The following ARHGEF10L variants were observed in gnomAD, a reference collection of about 807,000 sequenced individuals.
The protein encoded by ARHGEF10L is rho guanine nucleotide exchange factor 10-like protein.
A neutral mutation model predicts 141.2 loss-of-function variants in ARHGEF10L; 69 were observed. The ratio of observed to expected loss-of-function variants is 0.49; its 90% CI spans 0.40 to 0.60. The LOEUF (loss-of-function observed/expected upper bound fraction) is 0.60. Ranked by LOEUF, ARHGEF10L falls within the 20% of genes least tolerant of loss-of-function variation. ARHGEF10L has a pLI of 0.00. For synonymous variants in ARHGEF10L, 711 were observed against 718.5 expected (o/e 0.99, Z 0.17); for missense variants, 1,482 against 1,734.3 (o/e 0.85, Z 2.58).
intron 26 of ARHGEF10L, among the ~76,000 whole-genome samples, chr1:17,682,807 G>A (rs1055978231): frequency 1.3e-5 from 2 of 152,150 alleles, no homozygotes; most frequent in African/African-American, 4.8e-5. Flanking sequence ...GACAGCCCCT[G>A]ACCCCACCAA....
At chr1:17,652,750 C>T (rs1482877531) in intron 22 of ARHGEF10L, among the ~76,000 whole-genome samples, 2 of 152,136 alleles carry the variant, frequency 1.3e-5, no homozygotes, top group Non-Finnish European at 2.9e-5. Flanking sequence ...AGTCTCAGAG[C>T]CCACCTGGGG....
At chr1:17,676,411 C>T (rs934634878) in intron 26 of ARHGEF10L, among the ~76,000 whole-genome samples, 6 of 147,574 alleles carry the variant, frequency 4.1e-5, no homozygotes, top group Admixed American at 1.3e-4. Flanking sequence ...GGTGTATGTT[C>T]ATGTGTAGGT....
intron 26 of ARHGEF10L, among the ~76,000 whole-genome samples, chr1:17,677,439 C>G (rs865857489): frequency 5.9e-5 from 9 of 152,252 alleles, no homozygotes; most frequent in African/African-American, 1.9e-4. Context: ...AACTCTGTAT[C>G]GGTGTCTCCT....
At chr1:17,679,198 A>C (rs2063919671) in intron 26 of ARHGEF10L, among the ~76,000 whole-genome samples, 1 of 152,194 alleles carries the variant, frequency 6.6e-6, no homozygotes, top group Non-Finnish European at 1.5e-5. Context: ...AGAGTCCCAG[A>C]GACCTTAACC....
chr1:17,678,742 T>C (rs1317483379), intron 26 of ARHGEF10L, among the ~76,000 whole-genome samples: 2 of 152,302 alleles, frequency 1.3e-5, no homozygotes, highest in African/African-American at 4.8e-5. Context: ...GTTTTGTTTT[T>C]AAAGGCAAAA....
chr1:17,662,281 G>A (rs531738933), intron 25 of ARHGEF10L, among the ~76,000 whole-genome samples: 167 of 152,290 alleles, frequency 1.1e-3, no homozygotes, highest in Non-Finnish European at 1.9e-3. Flanking sequence ...CGTAACAACC[G>A]CTGTCAAGAC....
upstream of ARHGEF10L, among the ~76,000 whole-genome samples, chr1:17,539,301 G>A (rs1383918446): frequency 6.6e-6 from 1 of 152,226 alleles, no homozygotes; most frequent in African/African-American, 2.4e-5. The surrounding 1 kb of genome is among the most constrained non-coding windows in gnomAD (Gnocchi z 6.0). Context: ...GCCGGTCCAG[G>A]ATTCTCACCC....
chr1:17,534,830 C>G (rs987744115), upstream of ARHGEF10L, among the ~76,000 whole-genome samples: 10 of 152,052 alleles, frequency 6.6e-5, no homozygotes, highest in African/African-American at 2.4e-4. Context: ...CTCAGATGAT[C>G]CATCTGCCTT....
intron 1 of ARHGEF10L, among the ~76,000 whole-genome samples, chr1:17,553,100 G>T (rs2077176581): frequency 6.6e-6 from 1 of 152,208 alleles, no homozygotes; most frequent in Admixed American, 6.5e-5. Context: ...AAGTGGGGCA[G>T]ACCCGGGACC....
intron 10 of ARHGEF10L, among the ~76,000 whole-genome samples, chr1:17,620,714 G>A (rs1197305080): frequency 6.6e-6 from 1 of 152,140 alleles, no homozygotes; most frequent in African/African-American, 2.4e-5. Flanking sequence ...GGACGCTCAG[G>A]ACAGCTGTGG....
chr1:17,656,818 T>C lies in ARHGEF10L; in HGVS notation c.2860+110T>C. ...GGCTGGGCAGGAATGAATTGGGAAA[T>C]CTCAGTGCTGAGGGCATTTGGAGAT... is the stretch of plus-strand genomic sequence containing the variant. On this transcript the variant is annotated intron_variant, in intron 25 of 28. Coordinates refer to ENST00000361221, the MANE Select transcript of ARHGEF10L (RefSeq NM_018125.4). This position sits in a 1 kb window ranked among gnomAD's most constrained non-coding sequence, Gnocchi z 4.9. 2 of 1,372,168 alleles carry C rather than the reference T, an allele frequency of 1.5e-6. No individual in the cohort carries two copies. The highest frequency in any genetic ancestry group is 1.5e-5 in the South Asian group (1 of 67,828). The allele number at this position is 1,372,168 out of a possible 1,614,324, so 85.0% of individuals were successfully genotyped here.
intron 7 of ARHGEF10L, among the ~76,000 whole-genome samples, chr1:17,608,866 C>G (rs896426745): frequency 2.6e-5 from 4 of 152,078 alleles, no homozygotes; most frequent in Admixed American, 2.6e-4. Flanking sequence ...CTCACTGTAC[C>G]CTCTGTTTCC....
chr1:17,657,411 A>G (rs2062336458), intron 25 of ARHGEF10L, among the ~76,000 whole-genome samples: 1 of 152,202 alleles, frequency 6.6e-6, no homozygotes, highest in African/African-American at 2.4e-5. Flanking sequence ...TGTGGTCCCC[A>G]TCCTCTGGGC....
intron 25 of ARHGEF10L, among the ~76,000 whole-genome samples, chr1:17,663,980 A>G (rs7543007): frequency 0.21 from 31,873 of 152,092 alleles, 3,729 homozygotes; most frequent in African/African-American, 0.31. Context: ...CCTTGTGCAC[A>G]CCTGCTCATT....
chr1:17,595,155 A>G (rs929639871), intron 4 of ARHGEF10L, among the ~76,000 whole-genome samples: 1 of 149,506 alleles, frequency 6.7e-6, no homozygotes, highest in African/African-American at 2.5e-5. Context: ...CTAGGCATGT[A>G]TGCAAGTATG....
At position 17,697,523 on chromosome 1, in the gene ARHGEF10L, T is replaced by C. The variant is rs2065596710; in HGVS notation, c.*143T>C. 1.1e-5 allele frequency: 13 copies of C among 1,210,066 alleles called. No homozygotes were observed. The highest frequency in any genetic ancestry group is 1.0e-5 in the Non-Finnish European group (9 of 879,548). The allele number at this position is 1,210,066 out of a possible 1,614,324, so 75.0% of individuals were successfully genotyped here. A position where few individuals can be genotyped will look rare whatever the true frequency, so the allele number is the denominator to read the frequency against. On this transcript the variant is annotated 3_prime_UTR_variant, in exon 29 of 29. Coordinates refer to ENST00000361221, the MANE Select transcript of ARHGEF10L (RefSeq NM_018125.4). The surrounding 1 kb of genome is among the most constrained non-coding windows in gnomAD (Gnocchi z 4.8). The stretch of plus-strand genomic sequence containing the variant: ...TTGGGCAGAGCAAAGGAAAACCTCT[T>C]GTTTTAAAAAAATTTTTTTCAGAGT...
intron 27 of ARHGEF10L, among the ~76,000 whole-genome samples, chr1:17,690,816 G>A (rs2065045636): frequency 1.3e-5 from 2 of 152,256 alleles, no homozygotes; most frequent in South Asian, 4.1e-4. Flanking sequence ...GGGGACCAGA[G>A]CGTGGGGGGC....
intron 1 of ARHGEF10L, among the ~76,000 whole-genome samples, chr1:17,563,380 G>A (rs11587749): frequency 0.18 from 27,449 of 151,946 alleles, 3,200 homozygotes; most frequent in African/African-American, 0.33. Context: ...GACTACAGGC[G>A]TGTACCACCA....
intron 4 of ARHGEF10L, among the ~76,000 whole-genome samples, chr1:17,595,562 T>G (rs1380840661): frequency 6.6e-6 from 1 of 152,200 alleles, no homozygotes; most frequent in Non-Finnish European, 1.5e-5. Flanking sequence ...CTGGGGGGCT[T>G]CTCACTGCTC....
Sources: allele counts gnomAD v4.1 joint callset (sites outside exome capture counted in the v4.1 genomes callset), GRCh38; gene constraint gnomAD v4.1.1; non-coding constraint Gnocchi (gnomAD v3.1); transcripts MANE v1.5; gene names NCBI Gene and HGNC (gene_info 2026-07-23, HGNC 2026-07-21).